DCLK1: variants seen among roughly 807,000 people sequenced by gnomAD.
The protein encoded by DCLK1 is serine/threonine-protein kinase DCLK1.
In DCLK1, 16 loss-of-function variants were observed where a neutral mutation model predicts 86.2. The ratio of observed to expected loss-of-function variants is 0.19; its 90% CI spans 0.13 to 0.28. The LOEUF is 0.28. Among genes scored for constraint, DCLK1 ranks in the 10% least tolerant of loss-of-function variants. The pLI, the probability that DCLK1 is intolerant of heterozygous loss-of-function variation, is 1.00. For synonymous variants in DCLK1, 369 were observed against 370.5 expected, an observed-to-expected ratio of 1.00 and a Z score of 0.05; for missense variants, 590 against 940.2, an observed-to-expected ratio of 0.63 and a Z score of 4.87.
chr13:36,072,172 TC>T lies in DCLK1; in HGVS notation c.723+39696del, dbSNP rs1292855464. On this transcript the variant is annotated intron_variant, in intron 3 of 16. Coordinates refer to ENST00000360631, the MANE Select transcript of DCLK1 (RefSeq NM_001330071.2). ...TTCCACCAAGCTGCCTCTGTCAAGATCATCAGACACCCCCAGGTTATTCTAC... is the reference window on the plus strand; with the variant it reads ...TTCCACCAAGCTGCCTCTGTCAAGATATCAGACACCCCCAGGTTATTCTAC... Among the ~76,000 whole-genome samples, 4 of 152,274 alleles carry T rather than the reference TC, an allele frequency of 2.6e-5. No individual in the cohort carries two copies. The East Asian group carries it at 7.7e-4, about 29-fold the overall frequency.
intron 16 of DCLK1, among the ~76,000 whole-genome samples, chr13:35,778,936 C>G (rs940624216): frequency 6.6e-6 from 1 of 152,198 alleles, no homozygotes; most frequent in Non-Finnish European, 1.5e-5. Flanking sequence ...TTTAATCATT[C>G]TCACATCTAC....
Position 35,800,483 on chromosome 13 carries a change from C to T in DCLK1, c.1944+5216G>A, listed in dbSNP as rs73176168. ...GCTTTGTTCATGTGGCTCATTGGAA[C>T]CATCCATAGAGAGGCCTCGCTCATG... On this transcript the variant is annotated intron_variant, in intron 15 of 16. Coordinates refer to ENST00000360631, the MANE Select transcript of DCLK1 (RefSeq NM_001330071.2). 4.3e-3 allele frequency among the ~76,000 whole-genome samples: 648 copies of T among 152,238 alleles called. 6 individuals are homozygous for T. Among genetic ancestry groups the T allele is most frequent in the Non-Finnish European group, 6.2e-3 (423 of 68,022 alleles).
intron 6 of DCLK1, chr13:35,849,596 A>G (rs1024543899): frequency 3.1e-6 from 3 of 977,424 alleles, no homozygotes; most frequent in Admixed American, 6.2e-5. Context: ...GTTTAAGCAA[A>G]GACGACTATA....
At chr13:36,114,385 G>C (rs1163777798) in intron 2 of DCLK1, among the ~76,000 whole-genome samples, 2 of 152,158 alleles carry the variant, frequency 1.3e-5, no homozygotes, top group Non-Finnish European at 2.9e-5. Context: ...TTAAAGACTG[G>C]AATGAGAATC....
intron 16 of DCLK1, among the ~76,000 whole-genome samples, chr13:35,781,983 T>C (rs1206003356): frequency 6.6e-6 from 1 of 152,204 alleles, no homozygotes; most frequent in African/African-American, 2.4e-5. Context: ...TTTTGAGGTC[T>C]TGCCAGAAAT....
intron 1 of DCLK1, among the ~76,000 whole-genome samples, chr13:36,128,453 G>A (rs563353197): frequency 8.9e-4 from 135 of 152,238 alleles, no homozygotes; most frequent in African/African-American, 2.8e-3. Context: ...TGAGAAGCAG[G>A]ATTTTGTAAG....
chr13:35,864,303 C>T lies in DCLK1; in HGVS notation c.940+6921G>A, dbSNP rs893027140. 2.7e-5 allele frequency among the ~76,000 whole-genome samples: 2 copies of T among 75,076 alleles called. 1 individual carries two copies. The highest frequency in any genetic ancestry group is 5.2e-5 in the Non-Finnish European group (2 of 38,362). The allele number at this position is 75,076 out of a possible 152,430, so 49.3% of individuals were successfully genotyped here. A position where few individuals can be genotyped will look rare whatever the true frequency, so the allele number is the denominator to read the frequency against. On this transcript the variant is annotated intron_variant, in intron 5 of 16. Coordinates refer to ENST00000360631, the MANE Select transcript of DCLK1 (RefSeq NM_001330071.2). ...CTATCTGGCCGGGCGCGGTGGCTCACGCCTGTAATCCCAGCACTTTGGGAG... is the reference window on the plus strand; with the variant it reads ...CTATCTGGCCGGGCGCGGTGGCTCATGCCTGTAATCCCAGCACTTTGGGAG...
intron 4 of DCLK1, among the ~76,000 whole-genome samples, chr13:35,919,429 A>G (rs2153126547): frequency 6.6e-6 from 1 of 152,272 alleles, no homozygotes; most frequent in African/African-American, 2.4e-5. Flanking sequence ...CATTTTAAAC[A>G]GGGGATTGTT....
intron 11 of DCLK1, among the ~76,000 whole-genome samples, chr13:35,819,228 T>C (rs766161479): frequency 1.3e-5 from 2 of 152,200 alleles, no homozygotes; most frequent in Non-Finnish European, 2.9e-5. Flanking sequence ...GGGTATTTTT[T>C]ATTGGGTCAA....
chr13:35,867,909 A>AAAAGAAAGAAAGAAAGAAAGAAAGAAG, intron 5 of DCLK1, among the ~76,000 whole-genome samples: 1 of 102,434 alleles, frequency 9.8e-6, no homozygotes, highest in Admixed American at 1.2e-4. Context: ...GAAAGAAAGA[A>AAAAGAAAGAAAGAAAGAAAGAAAGAAG]AAAGAAAGAA....
intron 3 of DCLK1, among the ~76,000 whole-genome samples, chr13:36,013,529 T>A (rs1330655118): frequency 6.6e-6 from 1 of 152,152 alleles, no homozygotes; most frequent in Non-Finnish European, 1.5e-5. Context: ...TGCCTCCCAG[T>A]TAGGCTGCTC....
rs554467357 is a variant in DCLK1, at chr13:35,979,331, A to T, written c.724-31874T>A. On this transcript the variant is annotated intron_variant, in intron 3 of 16. Coordinates refer to ENST00000360631, the MANE Select transcript of DCLK1 (RefSeq NM_001330071.2). The stretch of plus-strand genomic sequence containing the variant: ...ACTAATCAATGAGGTTTCATGGAAG[A>T]CAAGGGATGTCAGCTGATCTCTGCA... 2.1e-3 allele frequency among the ~76,000 whole-genome samples: 324 copies of T among 152,344 alleles called. 1 individual carries two copies. Among genetic ancestry groups the T allele is most frequent in the Non-Finnish European group, 3.4e-3 (234 of 68,036 alleles).
chr13:35,858,541 T>C (rs1022766249), intron 5 of DCLK1, among the ~76,000 whole-genome samples: 2 of 152,152 alleles, frequency 1.3e-5, no homozygotes. Flanking sequence ...GAGTGGCTGG[T>C]CCTGGCACCT....
intron 3 of DCLK1, among the ~76,000 whole-genome samples, chr13:36,048,252 G>A (rs1882995780): frequency 6.6e-6 from 1 of 152,080 alleles, no homozygotes; most frequent in South Asian, 2.1e-4. Flanking sequence ...TAGGGACAAA[G>A]CATTTCTGAT....
intron 4 of DCLK1, among the ~76,000 whole-genome samples, chr13:35,907,057 C>T (rs968045876): frequency 1.3e-5 from 2 of 152,196 alleles, no homozygotes; most frequent in African/African-American, 4.8e-5. Context: ...CTGGTTTTTC[C>T]TACCACCATC....
chr13:36,067,301 C>T (rs900306044), intron 3 of DCLK1, among the ~76,000 whole-genome samples: 6 of 148,048 alleles, frequency 4.1e-5, no homozygotes, highest in African/African-American at 7.5e-5. Flanking sequence ...AGTAAACTAT[C>T]GCAAGGACAA....
At chr13:36,012,408 T>G (rs1016625465) in intron 3 of DCLK1, among the ~76,000 whole-genome samples, 70 of 152,032 alleles carry the variant, frequency 4.6e-4, no homozygotes, top group African/African-American at 1.6e-3. Flanking sequence ...CAGGAGCTCT[T>G]TTAGGGCAGG....
At chr13:36,027,312 T>C (rs1236309549) in intron 3 of DCLK1, among the ~76,000 whole-genome samples, 1 of 152,218 alleles carries the variant, frequency 6.6e-6, no homozygotes, top group East Asian at 1.9e-4. Flanking sequence ...CACACTCCTG[T>C]AAGAATCTAA....
intron 13 of DCLK1, 67 bp from the exon 14 acceptor site, chr13:35,808,387 T>A (rs2087073051): frequency 7.6e-7 from 1 of 1,317,132 alleles, no homozygotes; most frequent in Non-Finnish European, 1.1e-6. Context: ...ATCTTTTCAG[T>A]CTTAGGCACT....
Sources: allele counts gnomAD v4.1 joint callset (sites outside exome capture counted in the v4.1 genomes callset), GRCh38; gene constraint gnomAD v4.1.1; transcripts MANE v1.5; gene names NCBI Gene and HGNC (gene_info 2026-07-23, HGNC 2026-07-21).